Variants in ZNF727 observed in about 807,000 individuals in gnomAD.
The protein encoded by ZNF727 is zinc finger protein 727.
A neutral mutation model predicts 11.5 loss-of-function variants in ZNF727; 11 were observed. The observed-to-expected ratio is 0.95, with a 90% CI of 0.60 to 1.58. The LOEUF (loss-of-function observed/expected upper bound fraction) is 1.58. Ranked by LOEUF, ZNF727 falls within the 40% of genes most tolerant of loss-of-function variation. ZNF727 has a pLI of 0.00. For missense variants in ZNF727, 533 were observed against 581.7 expected, an observed-to-expected ratio of 0.92 and a Z score of 0.86; for synonymous variants, 171 against 196.1, an observed-to-expected ratio of 0.87 and a Z score of 1.07.
intron 1 of ZNF727, among the ~76,000 whole-genome samples, chr7:64,056,777 A>C (rs563257327): frequency 1.9e-3 from 294 of 152,256 alleles, no homozygotes; most frequent in African/African-American, 6.7e-3. Flanking sequence ...TTAATTACTA[A>C]AACCTCCTAA....
At position 64,082,145 on chromosome 7, in the gene ZNF727, C is replaced by T. The variant is rs1432103687; in HGVS notation, c.*3596C>T. 6.6e-6 allele frequency among the ~76,000 whole-genome samples: 1 copy of T among 152,112 alleles called. No individual in the cohort carries two copies. The highest frequency in any genetic ancestry group is 1.5e-5 in the Non-Finnish European group (1 of 68,032). On this transcript the variant is annotated 3_prime_UTR_variant, in exon 4 of 4. Transcript: ENST00000456806. ...TTCATTAGTCTGAGGGTAGCAAGGA[C>T]AGTTCTACTGCAGAGGCAATGGCAA... is the stretch of plus-strand genomic sequence containing the variant.
chr7:64,072,251 G>A (rs1263721782), intron 3 of ZNF727, among the ~76,000 whole-genome samples: 1 of 152,052 alleles, frequency 6.6e-6, no homozygotes, highest in Non-Finnish European at 1.5e-5. Flanking sequence ...GTGGAGAGGG[G>A]TTATACGTGG....
At chr7:64,046,491 G>T (rs1584138066) in intron 1 of ZNF727, among the ~76,000 whole-genome samples, 1 of 152,248 alleles carries the variant, frequency 6.6e-6, no homozygotes, top group Non-Finnish European at 1.5e-5. Flanking sequence ...TCTTGGTATT[G>T]ACCTCTCGAT....
intron 1 of ZNF727, among the ~76,000 whole-genome samples, chr7:64,057,684 T>C (rs1789707156): frequency 6.6e-6 from 1 of 151,736 alleles, no homozygotes; most frequent in Non-Finnish European, 1.5e-5. Flanking sequence ...CCATCCTGCA[T>C]ATGTGACCCA....
At chr7:64,058,862 C>T (rs1015208145) in intron 1 of ZNF727, among the ~76,000 whole-genome samples, 3 of 152,048 alleles carry the variant, frequency 2.0e-5, no homozygotes, top group Admixed American at 6.6e-5. Flanking sequence ...GTGTTGTAAA[C>T]GGCTGAAGTG....
intron 3 of ZNF727, among the ~76,000 whole-genome samples, chr7:64,076,339 G>A (rs1785656485): frequency 6.6e-6 from 1 of 152,100 alleles, no homozygotes; most frequent in Non-Finnish European, 1.5e-5. Context: ...GGTCAGGCGT[G>A]GTGGCTCACA....
chr7:64,075,968 T>C (rs1443232327), intron 3 of ZNF727, among the ~76,000 whole-genome samples: 2 of 152,212 alleles, frequency 1.3e-5, no homozygotes, highest in Admixed American at 6.5e-5. Flanking sequence ...CTAGAATAAT[T>C]ATTTTTTAGT....
rs547026932 is a variant in ZNF727, at chr7:64,064,105, T to C, written c.4-4786T>C. Among the ~76,000 whole-genome samples, 34 of 152,242 alleles carry C rather than the reference T, an allele frequency of 2.2e-4. 1 individual carries two copies. In the South Asian group the frequency reaches 6.8e-3, roughly 31 times the overall value. ...CTGAAATCAGTGACCTCAGGAGCTA[T>C]CTTGTTACTGCTACCTCACTATGAC... is the stretch of plus-strand genomic sequence containing the variant. On this transcript the variant is annotated intron_variant, in intron 1 of 3. Coordinates refer to ENST00000456806, the MANE Select transcript of ZNF727 (RefSeq NM_001159522.3).
intron 3 of ZNF727, 139 bp from the exon 4 acceptor site, chr7:64,077,137 T>C: frequency 3.4e-6 from 3 of 871,354 alleles, no homozygotes; most frequent in Non-Finnish European, 5.0e-6. Context: ...GTTAAGCTTA[T>C]ATGTCTATAA....
chr7:64,083,917 A>C lies in ZNF727; in HGVS notation c.*5368A>C, dbSNP rs1239855744. Reference sequence around the variant, plus strand: ...AGAGCTACACAGTCTAGCTCCTTCTACTTTTTTATATTAAAATAATTTATT... The same window carrying C: ...AGAGCTACACAGTCTAGCTCCTTCTCCTTTTTTATATTAAAATAATTTATT... On this transcript the variant is annotated 3_prime_UTR_variant, in exon 4 of 4. Transcript: ENST00000456806. 6.6e-6 allele frequency among the ~76,000 whole-genome samples: 1 copy of C among 152,182 alleles called. No homozygotes were observed. The highest frequency in any genetic ancestry group is 1.5e-5 in the Non-Finnish European group (1 of 68,040).
rs895932574 is a variant in ZNF727, at chr7:64,079,207, A to G, written c.*658A>G. 6.6e-6 allele frequency among the ~76,000 whole-genome samples: 1 copy of G among 152,232 alleles called. No homozygotes were observed. Among genetic ancestry groups the G allele is most frequent in the African/African-American group, 2.4e-5 (1 of 41,464 alleles). Reference sequence around the variant, plus strand: ...TGAGCTCGTTCTCACACGTCATTAGACATAAGACAATTCATAGTAGAGAGA... The same window carrying G: ...TGAGCTCGTTCTCACACGTCATTAGGCATAAGACAATTCATAGTAGAGAGA... On this transcript the variant is annotated 3_prime_UTR_variant, in exon 4 of 4. Coordinates refer to ENST00000456806, the MANE Select transcript of ZNF727 (RefSeq NM_001159522.3).
At chr7:64,075,774 G>A (rs1423774401) in intron 3 of ZNF727, among the ~76,000 whole-genome samples, 1 of 152,046 alleles carries the variant, frequency 6.6e-6, no homozygotes, top group African/African-American at 2.4e-5. Context: ...AGCTACCTAT[G>A]GGGTACTGTG....
chr7:64,069,255 T>G (rs1325386977), intron 2 of ZNF727, among the ~76,000 whole-genome samples: 3 of 152,046 alleles, frequency 2.0e-5, no homozygotes, highest in Non-Finnish European at 4.4e-5. Flanking sequence ...ATCAGAAATT[T>G]GATAGCATAA....
rs1408177256 is a variant in ZNF727 at position 64,063,307 on chromosome 7, T to C, written c.4-5584T>C. On this transcript the variant is annotated intron_variant, in intron 1 of 3. Transcript: ENST00000456806. Reference sequence around the variant, plus strand: ...GAATCGAGTGTTGTAATCTAAGTCTTTGATCATTGCAGTCATATCTGCATT... The same window carrying C: ...GAATCGAGTGTTGTAATCTAAGTCTCTGATCATTGCAGTCATATCTGCATT... Among the ~76,000 whole-genome samples the C allele has an allele frequency of 2.0e-5, 3 of 151,294 alleles. No homozygotes were observed. In the East Asian group the frequency reaches 5.8e-4, roughly 29 times the overall value.
At chr7:64,063,505 G>A (rs55673376) in intron 1 of ZNF727, among the ~76,000 whole-genome samples, 20,123 of 151,518 alleles carry the variant, frequency 0.13, 1,253 homozygotes, top group Admixed American at 0.16. Flanking sequence ...ATGCTGAGCT[G>A]CCTGGAGCTG....
intron 1 of ZNF727, among the ~76,000 whole-genome samples, chr7:64,048,836 G>T (rs1332483689): frequency 5.3e-5 from 8 of 152,132 alleles, no homozygotes; most frequent in Non-Finnish European, 8.8e-5. Context: ...AATGCATGAA[G>T]GTGTTCTTTG....
chr7:64,049,886 G>T (rs1789564098), intron 1 of ZNF727, among the ~76,000 whole-genome samples: 1 of 151,318 alleles, frequency 6.6e-6, no homozygotes, highest in Non-Finnish European at 1.5e-5. Flanking sequence ...AATTAGTATT[G>T]TAAGTTTTAA....
chr7:64,059,052 C>A (rs1400604069), intron 1 of ZNF727, among the ~76,000 whole-genome samples: 1 of 151,294 alleles, frequency 6.6e-6, no homozygotes, highest in East Asian at 2.0e-4. Flanking sequence ...TCAAGTGATT[C>A]TCCTGCCTCA....
chr7:64,071,387 C>T (rs1228126882), intron 3 of ZNF727, among the ~76,000 whole-genome samples: 1 of 152,054 alleles, frequency 6.6e-6, no homozygotes, highest in African/African-American at 2.4e-5. Context: ...TTCTACATAC[C>T]TGTTGCCCAA....
Sources: gnomAD v4.1 joint callset for allele counts (sites outside exome capture counted in the v4.1 genomes callset) on GRCh38, gnomAD v4.1.1 for gene constraint, MANE v1.5 for transcripts, NCBI Gene and HGNC (gene_info 2026-07-23, HGNC 2026-07-21) for gene names.